TENM2: variants seen among roughly 807,000 people sequenced by gnomAD.
The protein encoded by TENM2 is teneurin transmembrane protein 2.
In TENM2, 52 loss-of-function variants were observed where a neutral mutation model predicts 245.2. That is an observed-to-expected ratio of 0.21 (90% CI 0.17 to 0.27). The LOEUF is 0.27. Ranked by LOEUF, TENM2 falls within the 10% of genes least tolerant of loss-of-function variation. TENM2 has a pLI of 1.00. For missense variants in TENM2, 3,046 were observed against 3,666.8 expected (o/e 0.83, Z 4.37); for synonymous variants, 1,363 against 1,438.9 (o/e 0.95, Z 1.19).
At chr5:166,999,226 G>T in the TENM2 span, among the ~76,000 whole-genome samples, 1 of 152,140 alleles carries the variant, frequency 6.6e-6, no homozygotes, top group African/African-American at 2.4e-5. Flanking sequence ...AGATGCGGAT[G>T]GATATGGGAT....
the TENM2 span, among the ~76,000 whole-genome samples, chr5:166,980,070 AT>A: frequency 6.6e-6 from 1 of 152,230 alleles, no homozygotes; most frequent in Non-Finnish European, 1.5e-5. Context: ...TTCTTTAAAA[AT>A]GCCGTTTTGC....
intron 2 of TENM2, among the ~76,000 whole-genome samples, chr5:167,469,040 T>C (rs545763301): frequency 7.9e-5 from 12 of 152,314 alleles, no homozygotes; most frequent in African/African-American, 2.9e-4. Context: ...TTAAAAGAAG[T>C]ACCTTTAGAT....
At chr5:167,462,305 A>AT (rs1161852047) in intron 2 of TENM2, among the ~76,000 whole-genome samples, 1 of 150,888 alleles carries the variant, frequency 6.6e-6, no homozygotes, top group Admixed American at 6.6e-5. Flanking sequence ...AGGGCAAGTG[A>AT]TTTTGGGCTC....
At chr5:167,554,397 A>G (rs1773134131) in intron 2 of TENM2, among the ~76,000 whole-genome samples, 1 of 152,140 alleles carries the variant, frequency 6.6e-6, no homozygotes, top group Admixed American at 6.5e-5. Flanking sequence ...ACTTGTTCTG[A>G]TCAGATGCTT....
chr5:167,407,215 G>GTCCCTATAGTT (rs1220067859), intron 2 of TENM2, among the ~76,000 whole-genome samples: 1 of 152,108 alleles, frequency 6.6e-6, no homozygotes, highest in Non-Finnish European at 1.5e-5. Flanking sequence ...TAGGGACTTT[G>GTCCCTATAGTT]TGAGCAGTGA....
intron 2 of TENM2, among the ~76,000 whole-genome samples, chr5:167,580,874 A>C (rs1027841239): frequency 2.0e-5 from 3 of 152,196 alleles, no homozygotes; most frequent in African/African-American, 7.2e-5. Flanking sequence ...TTGTAATACC[A>C]GGTACTCAGG....
chr5:168,118,497 C>A lies in TENM2; in HGVS notation c.2008+11C>A, dbSNP rs368291596. On this transcript the variant is annotated intron_variant, in intron 10 of 28. Coordinates refer to ENST00000518659, the Ensembl canonical transcript of TENM2. The stretch of plus-strand genomic sequence containing the variant: ...AGCACTGTGAGGAAGGTAAGCCCGC[C>A]GGCCCCGGGGCTAGGCAGCAGTGGA... 2.7e-6 allele frequency: 4 copies of A among 1,503,474 alleles called. No individual in the cohort carries two copies. Among genetic ancestry groups the A allele is most frequent in the South Asian group, 1.4e-5 (1 of 73,180 alleles). 93.1% of individuals were successfully genotyped at this position (1,503,474 alleles called of 1,614,324 possible).
chr5:166,993,329 G>A, the TENM2 span, among the ~76,000 whole-genome samples: 77,480 of 151,954 alleles, frequency 0.51, 23,186 homozygotes, highest in Non-Finnish European at 0.7. Flanking sequence ...GTCTCCACTG[G>A]AGATATTTGC....
intron 15 of TENM2, among the ~76,000 whole-genome samples, chr5:168,196,653 G>A (rs1761455361): frequency 6.6e-6 from 1 of 152,110 alleles, no homozygotes. Flanking sequence ...GTAGAGACGG[G>A]GTTTCACCAT....
intron 3 of TENM2, among the ~76,000 whole-genome samples, chr5:167,919,310 T>C (rs975522479): frequency 3.9e-5 from 6 of 152,184 alleles, no homozygotes; most frequent in African/African-American, 1.4e-4. Flanking sequence ...CCTCACCCTC[T>C]CCCCACTGTC....
intron 2 of TENM2, among the ~76,000 whole-genome samples, chr5:167,773,525 G>A (rs931428674): frequency 6.6e-6 from 1 of 152,124 alleles, no homozygotes; most frequent in Admixed American, 6.5e-5. Context: ...AATTCTTAGT[G>A]TCCCTGCCAC....
chr5:168,062,336 C>G, intron 7 of TENM2, 71 bp downstream of exon 9: 6 of 1,180,294 alleles, frequency 5.1e-6, no homozygotes, highest in Non-Finnish European at 7.4e-6. Flanking sequence ...TGTATATATG[C>G]CACTTCACAT....
At position 168,156,522 on chromosome 5, in the gene TENM2, A is replaced by T. The variant is rs1417187975; in HGVS notation, c.2423-6089A>T. On this transcript the variant is annotated intron_variant, in intron 12 of 28. Coordinates refer to ENST00000518659, the Ensembl canonical transcript of TENM2. ...ACCCCTCATGCATTATTAGCCACTT[A>T]TTTCTACCTTTAAATTGCTGCACAT... 2.0e-5 allele frequency among the ~76,000 whole-genome samples: 3 copies of T among 152,102 alleles called. No individual in the cohort carries two copies. In the East Asian group the frequency reaches 5.8e-4, roughly 29 times the overall value.
intron 2 of TENM2, among the ~76,000 whole-genome samples, chr5:167,861,006 C>T (rs1771742235): frequency 8.2e-6 from 1 of 121,866 alleles, no homozygotes; most frequent in African/African-American, 3.2e-5. Flanking sequence ...CCTGCCAAAT[C>T]CCCCTCTGTG....
At chr5:167,009,995 T>C in the TENM2 span, among the ~76,000 whole-genome samples, 1 of 152,208 alleles carries the variant, frequency 6.6e-6, no homozygotes, top group African/African-American at 2.4e-5. Flanking sequence ...TGGTTTTAGG[T>C]TATAGTTCTT....
At chr5:167,088,774 T>C in the TENM2 span, among the ~76,000 whole-genome samples, 92 of 152,314 alleles carry the variant, frequency 6.0e-4, 1 homozygote, top group African/African-American at 2.2e-3. Context: ...TTGATGGCAT[T>C]GCATAATGAT....
At chr5:167,486,024 T>A (rs1215007272) in intron 2 of TENM2, among the ~76,000 whole-genome samples, 3 of 151,800 alleles carry the variant, frequency 2.0e-5, no homozygotes, top group Non-Finnish European at 2.9e-5. Context: ...TAGAAATACC[T>A]CCCCTTAGTA....
At chr5:168,152,545 TAAAAATAAC>T (rs1312396409) in intron 12 of TENM2, among the ~76,000 whole-genome samples, 1 of 152,122 alleles carries the variant, frequency 6.6e-6, no homozygotes, top group Non-Finnish European at 1.5e-5. Context: ...ATTGGATGGT[TAAAAATAAC>T]AAATAAGAAA....
intron 13 of TENM2, among the ~76,000 whole-genome samples, chr5:168,185,848 T>G (rs943784469): frequency 3.4e-5 from 5 of 147,934 alleles, no homozygotes; most frequent in African/African-American, 1.2e-4. Context: ...AATGAAAAAG[T>G]GGAAGACTTC....
Sources: allele counts gnomAD v4.1 joint callset (sites outside exome capture counted in the v4.1 genomes callset), GRCh38; gene constraint gnomAD v4.1.1; transcripts MANE v1.5; gene names NCBI Gene and HGNC (gene_info 2026-07-23, HGNC 2026-07-21).